The following PSEN2 variants were observed in gnomAD, a reference collection of about 807,000 sequenced individuals.
PSEN2 encodes presenilin 2.
In PSEN2, 32 loss-of-function variants were observed where a neutral mutation model predicts 49.1. That is an observed-to-expected ratio of 0.65 (90% confidence interval 0.49 to 0.88). The LOEUF (loss-of-function observed/expected upper bound fraction) is 0.88. Ranked by LOEUF, PSEN2 falls within the 40% of genes least tolerant of loss-of-function variation. PSEN2 has a pLI of 0.00. For synonymous variants in PSEN2, 255 were observed against 244.0 expected (o/e 1.05, Z -0.42); for missense variants, 522 against 586.9 (o/e 0.89, Z 1.14).
chr1:226,892,938 T>C (rs1165315159), intron 11 of PSEN2, among the ~76,000 whole-genome samples: 1 of 152,186 alleles, frequency 6.6e-6, no homozygotes, highest in East Asian at 1.9e-4. Context: ...TTTTTTGTTG[T>C]CGTTTTGTTT....
intron 3 of PSEN2, among the ~76,000 whole-genome samples, chr1:226,876,129 G>A (rs1660613508): frequency 6.6e-6 from 1 of 152,090 alleles, no homozygotes; most frequent in Non-Finnish European, 1.5e-5. Flanking sequence ...TCCGGGGAGA[G>A]TTCATCGCGT....
At chr1:226,885,434 G>A (rs1283878830) in intron 5 of PSEN2, 104 bp from the exon 6 acceptor site, 4 of 1,341,076 alleles carry the variant, frequency 3.0e-6, no homozygotes, top group Non-Finnish European at 4.1e-6. Context: ...TGGGCAGCAT[G>A]GGCATCCCAG....
At chr1:226,886,386 C>G (rs1661366118) in intron 6 of PSEN2, among the ~76,000 whole-genome samples, 1 of 152,072 alleles carries the variant, frequency 6.6e-6, no homozygotes. Flanking sequence ...GTCTTGCAGC[C>G]CTGGGAGACT....
At chr1:226,903,246 C>T (rs1434703510) in intron 12 of PSEN2, among the ~76,000 whole-genome samples, 1 of 152,114 alleles carries the variant, frequency 6.6e-6, no homozygotes, top group Non-Finnish European at 1.5e-5. Context: ...TTTGTCTCAG[C>T]CCTTGCTTCT....
chr1:226,883,471 G>T (rs891414894), intron 4 of PSEN2, among the ~76,000 whole-genome samples: 2 of 152,078 alleles, frequency 1.3e-5, no homozygotes, highest in African/African-American at 4.8e-5. Context: ...TTAAGTCTTG[G>T]GCCTGCAGAC....
Position 226,889,028 on chromosome 1 carries a change from C to T in PSEN2, c.766C>T (p.Leu256=). The change falls in exon 8 of 13, where the codon CTG becomes TTG. Residue 256 remains leucine (L), a synonymous_variant. Transcript: ENST00000366783. ...CCCAGAGTGGTCCGCGTGGGTCATCCTGGGCGCCATCTCTGTGTATGGTAG... is the reference window on the plus strand; with the variant it reads ...CCCAGAGTGGTCCGCGTGGGTCATCTTGGGCGCCATCTCTGTGTATGGTAG... ...YLPEWSAWVI[L]GAISVYDLVA... is the part of the protein sequence containing the mutation. 6.2e-7 allele frequency: 1 copy of T among 1,613,892 alleles called. No homozygotes were observed. Among genetic ancestry groups the T allele is most frequent in the South Asian group, 1.1e-5 (1 of 91,046 alleles).
At chr1:226,880,422 T>C in intron 3 of PSEN2, 3 of 1,124,068 alleles carry the variant, frequency 2.7e-6, no homozygotes, top group Non-Finnish European at 3.6e-6. Context: ...GGTGACTTAC[T>C]TGGAGACGAA....
At chr1:226,881,443 C>T (rs1230538672) in intron 3 of PSEN2, among the ~76,000 whole-genome samples, 1 of 152,222 alleles carries the variant, frequency 6.6e-6, no homozygotes, top group African/African-American at 2.4e-5. Context: ...TGCTTCTGCA[C>T]CTACCATCAA....
At chr1:226,893,253 A>G (rs1168280031) in intron 11 of PSEN2, among the ~76,000 whole-genome samples, 1 of 152,176 alleles carries the variant, frequency 6.6e-6, no homozygotes, top group East Asian at 1.9e-4. Flanking sequence ...ATTATAAGAG[A>G]TGCAACTCAG....
At chr1:226,894,950 G>A (rs534447699) in intron 12 of PSEN2, among the ~76,000 whole-genome samples, 22 of 152,346 alleles carry the variant, frequency 1.4e-4, no homozygotes, top group Admixed American at 1.3e-3. Flanking sequence ...ACCACTGCCT[G>A]CATCAGCTGG....
At chr1:226,900,758 G>A (rs1009730198), downstream of PSEN2, among the ~76,000 whole-genome samples, 4 of 152,152 alleles carry the variant, frequency 2.6e-5, no homozygotes, top group African/African-American at 7.2e-5. Flanking sequence ...CTGAATATAA[G>A]CAGAAGTGCT....
chr1:226,893,023 C>A (rs1430178656), intron 11 of PSEN2, among the ~76,000 whole-genome samples: 1 of 152,172 alleles, frequency 6.6e-6, no homozygotes, highest in Non-Finnish European at 1.5e-5. Context: ...ACCTTGACTT[C>A]CTGGGCTCAA....
chr1:226,879,288 T>A (rs540823786), intron 3 of PSEN2, among the ~76,000 whole-genome samples: 4 of 152,348 alleles, frequency 2.6e-5, no homozygotes, highest in Admixed American at 2.6e-4. Flanking sequence ...GAAGCTGTGC[T>A]CTATTTGTAT....
At position 226,902,956 on chromosome 1, in the gene PSEN2, CAT is replaced by C. The variant is rs10548662; in HGVS notation, c.1192-5565_1192-5564del. Among the ~76,000 whole-genome samples the C allele has an allele frequency of 9.6e-3, 1,463 of 152,098 alleles. 25 individuals are homozygous for C. Among genetic ancestry groups the C allele is most frequent in the African/African-American group, 0.034 (1,393 of 41,344 alleles). ...AAACCTGAGAGGCTGAACACACACA[CAT>C]GGAGAAACAAACGTAGTAAAATATT... On this transcript the variant is annotated intron_variant, in intron 12 of 14. Transcript: ENST00000676945.
intron 6 of PSEN2, 87 bp from the exon 7 acceptor site, chr1:226,888,004 G>C: frequency 1.8e-6 from 2 of 1,102,660 alleles, no homozygotes; most frequent in South Asian, 2.5e-5. Context: ...GAGCATTCAG[G>C]CTTGGGTATC....
At chr1:226,891,462 AG>A in intron 10 of PSEN2, 101 bp downstream of exon 10, 1 of 1,067,864 alleles carries the variant, frequency 9.4e-7, no homozygotes, top group Non-Finnish European at 1.4e-6. Flanking sequence ...GCATGAGTTC[AG>A]GAGGGGCAGA....
chr1:226,877,639 T>G (rs1285558458), intron 3 of PSEN2, among the ~76,000 whole-genome samples: 1 of 152,214 alleles, frequency 6.6e-6, no homozygotes, highest in Admixed American at 6.5e-5. Flanking sequence ...ATGACAGCTC[T>G]CTCCTTCCCT....
rs148238688 is a variant in PSEN2, at chr1:226,889,034, G to A, written c.772G>A (p.Ala258Thr). Residue 258 changes from alanine to threonine, a missense_variant, in exon 8 of 13, where the codon GCC becomes ACC. Coordinates refer to ENST00000366783, the MANE Select transcript of PSEN2 (RefSeq NM_000447.3). ...PEWSAWVILGAISVYDLVAVL... is the reference protein window; with the variant it reads ...PEWSAWVILGTISVYDLVAVL... ...GTGGTCCGCGTGGGTCATCCTGGGCGCCATCTCTGTGTATGGTAGGTGGGC... is the reference window on the plus strand; with the variant it reads ...GTGGTCCGCGTGGGTCATCCTGGGCACCATCTCTGTGTATGGTAGGTGGGC... The A allele has an allele frequency of 2.3e-4, 377 of 1,613,620 alleles. No homozygotes were observed. The highest frequency in any genetic ancestry group is 2.9e-4 in the Non-Finnish European group (345 of 1,179,874).
chr1:226,881,757 G>A, intron 3 of PSEN2, 131 bp from the exon 4 acceptor site: 1 of 960,444 alleles, frequency 1.0e-6, no homozygotes, highest in Non-Finnish European at 1.7e-6. Context: ...TTGATTGACA[G>A]GCATCTCTTG....
Sources: gnomAD v4.1 joint callset for allele counts (sites outside exome capture counted in the v4.1 genomes callset) on GRCh38, gnomAD v4.1.1 for gene constraint, MANE v1.5 for transcripts, NCBI Gene and HGNC (gene_info 2026-07-23, HGNC 2026-07-21) for gene names.